ZBTB43: variants seen among roughly 807,000 people sequenced by gnomAD.
ZBTB43 encodes the protein zinc finger and BTB domain containing 43.
In ZBTB43, 6 loss-of-function variants were observed where a neutral mutation model predicts 31.1. That is an observed-to-expected ratio of 0.19 (90% CI 0.11 to 0.38). ZBTB43 has a LOEUF of 0.38. Ranked by LOEUF, ZBTB43 falls within the 10% of genes least tolerant of loss-of-function variation. The probability of loss-of-function intolerance (pLI) is 1.00; values close to 1 mark genes in which losing one functional copy is unlikely to be tolerated. For synonymous variants in ZBTB43, 212 were observed against 221.7 expected, an observed-to-expected ratio of 0.96 and a Z score of 0.39; for missense variants, 379 against 602.1, an observed-to-expected ratio of 0.63 and a Z score of 3.88.
chr9:126,809,613 A>C (rs2032198542), intron 2 of ZBTB43, among the ~76,000 whole-genome samples: 1 of 152,176 alleles, frequency 6.6e-6, no homozygotes, highest in Non-Finnish European at 1.5e-5. Flanking sequence ...TCCTCAGCCG[A>C]ATAATAAATA....
intron 1 of ZBTB43, among the ~76,000 whole-genome samples, chr9:126,806,051 A>G (rs894042156): frequency 1.3e-5 from 2 of 152,220 alleles, no homozygotes; most frequent in Non-Finnish European, 2.9e-5. Flanking sequence ...TTTTAGGGCC[A>G]GAGCAGCTTG....
At chr9:126,819,143 A>C (rs1267803561) in intron 2 of ZBTB43, among the ~76,000 whole-genome samples, 1 of 152,168 alleles carries the variant, frequency 6.6e-6, no homozygotes, top group Non-Finnish European at 1.5e-5. Context: ...ATTTTTAAAA[A>C]GACTCAGTCT....
chr9:126,832,290 C>A, intron 2 of ZBTB43, 197 bp from the exon 3 acceptor site: 1 of 556,200 alleles, frequency 1.8e-6, no homozygotes, highest in African/African-American at 1.9e-5. Context: ...AGGAGTTCCA[C>A]AAGGAGTGGT....
intron 2 of ZBTB43, among the ~76,000 whole-genome samples, chr9:126,817,100 CTTTTTT>C (rs780632905): frequency 5.8e-4 from 32 of 55,358 alleles, no homozygotes; most frequent in African/African-American, 1.8e-3. Flanking sequence ...TCCACTGTAT[CTTTTTT>C]TTTTTTTTTT....
chr9:126,810,495 CTTTTTTTTTT>C lies in ZBTB43; in HGVS notation c.-24+1595_-24+1604del, dbSNP rs1163411798. Reference sequence around the variant, plus strand: ...GGCATGAGCCACTGTGCCCAGCCGTCTTTTTTTTTTTTTTTTTTTTTTTTGAGATGGGGTC... The same window carrying C: ...GGCATGAGCCACTGTGCCCAGCCGTCTTTTTTTTTTTTTTGAGATGGGGTC... On this transcript the variant is annotated intron_variant, in intron 2 of 2. Coordinates refer to ENST00000373464, the MANE Select transcript of ZBTB43 (RefSeq NM_014007.4). Among the ~76,000 whole-genome samples, 5 of 73,354 alleles carry C rather than the reference CTTTTTTTTTT, an allele frequency of 6.8e-5. No individual in the cohort carries two copies. The South Asian group carries it at 2.1e-3, about 31-fold the overall frequency. The allele number at this position is 73,354 out of a possible 152,430, so 48.1% of individuals were successfully genotyped here.
chr9:126,835,913 G>A lies in ZBTB43; in HGVS notation c.*2000G>A, dbSNP rs1386081181. ...TTTCTTTCACTCATGGTAGAGGCCA[G>A]TGGGTTTTAGGTATGATCCTAGCCA... On this transcript the variant is annotated 3_prime_UTR_variant, in exon 3 of 3. Coordinates refer to ENST00000373464, the MANE Select transcript of ZBTB43 (RefSeq NM_014007.4). 1 of 167,020 alleles carries A rather than the reference G, an allele frequency of 6.0e-6. No homozygotes were observed. The highest frequency in any genetic ancestry group is 1.5e-5 in the Non-Finnish European group (1 of 68,110). The allele number at this position is 167,020 out of a possible 1,614,324, so 10.3% of individuals were successfully genotyped here.
chr9:126,833,397 G>A lies in ZBTB43; in HGVS notation c.888G>A (p.Lys296=). The change falls in exon 3 of 3, where the codon AAG becomes AAA. Residue 296 remains lysine, a synonymous_variant. Coordinates refer to ENST00000373464, the MANE Select transcript of ZBTB43 (RefSeq NM_014007.4). The surrounding 1 kb of genome is among the most constrained non-coding windows in gnomAD (Gnocchi z 7.9). The part of the protein sequence containing the change: ...GVEEDFHIGE[K]KVEAEFDEQA... ...AGGAGGACTTCCACATCGGGGAGAA[G>A]AAAGTGGAAGCTGAGTTTGATGAAC... 2 of 1,614,064 alleles carry A rather than the reference G, an allele frequency of 1.2e-6. No homozygotes were observed. Among genetic ancestry groups the A allele is most frequent in the Non-Finnish European group, 1.7e-6 (2 of 1,179,978 alleles).
chr9:126,818,386 G>T (rs1349316737), intron 2 of ZBTB43, among the ~76,000 whole-genome samples: 2 of 151,958 alleles, frequency 1.3e-5, no homozygotes, highest in Non-Finnish European at 2.9e-5. Context: ...CTCCCAAGTA[G>T]CTGGGATTGC....
chr9:126,828,528 T>A (rs961070743), intron 2 of ZBTB43, among the ~76,000 whole-genome samples: 2 of 149,924 alleles, frequency 1.3e-5, no homozygotes, highest in African/African-American at 2.4e-5. Flanking sequence ...TGCAATGGCT[T>A]ATACCTGTAG....
intron 2 of ZBTB43, among the ~76,000 whole-genome samples, chr9:126,829,014 A>C (rs2032711493): frequency 6.6e-6 from 1 of 152,194 alleles, no homozygotes; most frequent in Non-Finnish European, 1.5e-5. Flanking sequence ...GTCACTTAGG[A>C]GATAGGCAGA....
At chr9:126,811,232 A>AG (rs2032241763) in intron 2 of ZBTB43, among the ~76,000 whole-genome samples, 1 of 148,904 alleles carries the variant, frequency 6.7e-6, no homozygotes, top group African/African-American at 2.5e-5. Context: ...AAAAAAAAAA[A>AG]AAGAAGAAAA....
intron 1 of ZBTB43, among the ~76,000 whole-genome samples, chr9:126,808,516 T>C (rs2032176006): frequency 6.6e-6 from 1 of 152,256 alleles, no homozygotes; most frequent in Non-Finnish European, 1.5e-5. Context: ...TTTCTAGTTT[T>C]AATGAATATG....
chr9:126,835,277 C>T lies in ZBTB43; in HGVS notation c.*1364C>T, dbSNP rs935133122. The T allele has an allele frequency of 6.0e-6, 1 of 166,884 alleles. No individual in the cohort carries two copies. Among genetic ancestry groups the T allele is most frequent in the Admixed American group, 6.6e-5 (1 of 15,254 alleles). 10.3% of individuals were successfully genotyped at this position (166,884 alleles called of 1,614,324 possible). On this transcript the variant is annotated 3_prime_UTR_variant, in exon 3 of 3. Coordinates refer to ENST00000373464, the MANE Select transcript of ZBTB43 (RefSeq NM_014007.4). ...CAACTATTCTGAGACCTTTTCTGCC[C>T]ATCAGTTAGATGATTTAGGTTAAAA...
intron 1 of ZBTB43, among the ~76,000 whole-genome samples, chr9:126,807,593 G>A (rs771386755): frequency 2.0e-5 from 3 of 152,184 alleles, no homozygotes; most frequent in Non-Finnish European, 4.4e-5. Context: ...ATTAATTGAA[G>A]AGTATCATTT....
chr9:126,810,215 A>C (rs941014320), intron 2 of ZBTB43, among the ~76,000 whole-genome samples: 1 of 150,534 alleles, frequency 6.6e-6, no homozygotes, highest in Non-Finnish European at 1.5e-5. Context: ...TGTTTTTGAG[A>C]TGGAGTCTCG....
intron 2 of ZBTB43, among the ~76,000 whole-genome samples, chr9:126,826,836 T>C (rs1308235803): frequency 6.6e-6 from 1 of 152,218 alleles, no homozygotes; most frequent in African/African-American, 2.4e-5. Flanking sequence ...TTATTCATTA[T>C]TTTCTTTTGT....
At chr9:126,824,652 T>G (rs1564204501) in intron 2 of ZBTB43, among the ~76,000 whole-genome samples, 1 of 152,190 alleles carries the variant, frequency 6.6e-6, no homozygotes, top group South Asian at 2.1e-4. Context: ...GCTGTTAATT[T>G]TAGTGAGGAT....
At chr9:126,826,355 C>T (rs571712734) in intron 2 of ZBTB43, among the ~76,000 whole-genome samples, 1 of 150,492 alleles carries the variant, frequency 6.6e-6, no homozygotes, top group East Asian at 2.0e-4. Flanking sequence ...CTATGTTGGC[C>T]AGGCTGGTCT....
upstream of ZBTB43, among the ~76,000 whole-genome samples, chr9:126,804,818 T>C (rs1476173211): frequency 6.6e-6 from 1 of 152,236 alleles, no homozygotes; most frequent in East Asian, 1.9e-4. Flanking sequence ...TAGAACTCAG[T>C]ATCTGCTCCC....
Sources: allele counts gnomAD v4.1 joint callset (sites outside exome capture counted in the v4.1 genomes callset), GRCh38; gene constraint gnomAD v4.1.1; non-coding constraint Gnocchi (gnomAD v3.1); transcripts MANE v1.5; gene names NCBI Gene and HGNC (gene_info 2026-07-23, HGNC 2026-07-21).